IQCJ: variants seen among roughly 807,000 people sequenced by gnomAD.
The protein encoded by IQCJ is IQ domain-containing protein J.
In IQCJ, 9 loss-of-function variants were observed where a neutral mutation model predicts 11.0. That is an observed-to-expected ratio of 0.82 (90% CI 0.49 to 1.43). IQCJ has a LOEUF of 1.43. Ranked by LOEUF, IQCJ falls within the 40% of genes most tolerant of loss-of-function variation. The probability of loss-of-function intolerance (pLI) is 0.00; values close to 1 mark genes in which losing one functional copy is unlikely to be tolerated. For missense variants in IQCJ, 146 were observed against 133.2 expected (o/e 1.10, Z -0.47); for synonymous variants, 55 against 51.3 (o/e 1.07, Z -0.31).
intron 1 of IQCJ, among the ~76,000 whole-genome samples, chr3:159,240,042 A>G (rs1395167623): frequency 1.3e-5 from 2 of 152,146 alleles, no homozygotes; most frequent in African/African-American, 4.8e-5. Context: ...TCTGTTACTT[A>G]TGTCATTGGA....
intron 1 of IQCJ, among the ~76,000 whole-genome samples, chr3:159,222,890 A>G (rs1474107949): frequency 6.6e-6 from 1 of 152,140 alleles, no homozygotes; most frequent in African/African-American, 2.4e-5. Flanking sequence ...ATAAATGCCA[A>G]GACATATTCT....
At position 159,122,175 on chromosome 3, in the gene IQCJ, C is replaced by T. The variant is rs189900249; in HGVS notation, c.9+52734C>T. 6.6e-5 allele frequency among the ~76,000 whole-genome samples: 10 copies of T among 152,230 alleles called. No homozygotes were observed. In the East Asian group the frequency reaches 1.9e-3, roughly 29 times the overall value. Reference sequence around the variant, plus strand: ...TATCTGGGGTCCCTGTTATAAAGGGCATTAATTCCATTCATGAGGGCTCCA... The same window carrying T: ...TATCTGGGGTCCCTGTTATAAAGGGTATTAATTCCATTCATGAGGGCTCCA... On this transcript the variant is annotated intron_variant, in intron 1 of 3. Transcript: ENST00000397832.
Position 159,238,330 on chromosome 3 carries a change from A to G in IQCJ, c.10-7513A>G, listed in dbSNP as rs76474638. On this transcript the variant is annotated intron_variant, in intron 1 of 3. Coordinates refer to ENST00000397832, the MANE Select transcript of IQCJ (RefSeq NM_001042706.3). Reference sequence around the variant, plus strand: ...CCATAGAATAAAGGGTCTAATAGATAAAGTCCAAAATTATGAGCCTCTCAG... The same window carrying G: ...CCATAGAATAAAGGGTCTAATAGATGAAGTCCAAAATTATGAGCCTCTCAG... Among the ~76,000 whole-genome samples the G allele has an allele frequency of 4.0e-3, 617 of 152,350 alleles. 3 individuals are homozygous for G. Among genetic ancestry groups the G allele is most frequent in the African/African-American group, 0.014 (602 of 41,582 alleles).
chr3:159,120,128 C>T (rs188076690), intron 1 of IQCJ, among the ~76,000 whole-genome samples: 85 of 152,066 alleles, frequency 5.6e-4, no homozygotes, highest in Non-Finnish European at 1.1e-3. Context: ...GTAGAAGTTG[C>T]GGTATTTTCT....
chr3:159,095,011 T>C (rs1026622643), intron 1 of IQCJ, among the ~76,000 whole-genome samples: 1 of 151,900 alleles, frequency 6.6e-6, no homozygotes, highest in Non-Finnish European at 1.5e-5. Context: ...CCATTCCCAC[T>C]TCCAAATCCA....
At chr3:159,123,830 C>T (rs899502196) in intron 1 of IQCJ, among the ~76,000 whole-genome samples, 1 of 152,052 alleles carries the variant, frequency 6.6e-6, no homozygotes, top group Non-Finnish European at 1.5e-5. Context: ...AAAAGCTTCA[C>T]GACACATGGA....
At chr3:159,184,522 T>C (rs1723275343) in intron 1 of IQCJ, among the ~76,000 whole-genome samples, 2 of 152,230 alleles carry the variant, frequency 1.3e-5, no homozygotes, top group Non-Finnish European at 2.9e-5. Flanking sequence ...ACAGTGTCTT[T>C]TTGTTTGCTT....
intron 1 of IQCJ, among the ~76,000 whole-genome samples, chr3:159,177,428 G>A (rs1722855600): frequency 6.6e-6 from 1 of 152,172 alleles, no homozygotes; most frequent in Non-Finnish European, 1.5e-5. Flanking sequence ...AAAGACAATG[G>A]CACAGCCACT....
intron 1 of IQCJ, among the ~76,000 whole-genome samples, chr3:159,167,157 A>G (rs1186876208): frequency 6.6e-6 from 1 of 152,206 alleles, no homozygotes; most frequent in Non-Finnish European, 1.5e-5. Flanking sequence ...CAGCACAGGT[A>G]TTTCTTGCCA....
At position 159,262,558 on chromosome 3, in the gene IQCJ, G is replaced by C. The variant is rs373701672; in HGVS notation, c.166G>C (p.Ala56Pro). 1.2e-6 allele frequency: 2 copies of C among 1,613,122 alleles called. No individual in the cohort carries two copies. The highest frequency in any genetic ancestry group is 2.7e-5 in the African/African-American group (2 of 74,902). ...LESKVKIIQR[A>P]WREYLQRQEP... ...GTTTTGTTTTTTCAGCATTCAGCGA[G>C]CATGGCGAGAGTACCTGCAGCGGCA... The change falls in exon 4 of 4, where the codon GCA (alanine) becomes CCA (proline). Residue 56 changes from alanine (A) to proline (P), a missense_variant. By Grantham distance (27) the Ala-to-Pro change is conservative. Coordinates refer to ENST00000397832, the MANE Select transcript of IQCJ (RefSeq NM_001042706.3).
At chr3:159,216,707 A>G (rs1725255370) in intron 1 of IQCJ, among the ~76,000 whole-genome samples, 2 of 152,054 alleles carry the variant, frequency 1.3e-5, no homozygotes, top group Admixed American at 1.3e-4. Context: ...TTTTTCCCAA[A>G]ATGAGCTTGT....
At chr3:159,237,967 C>T (rs900988736) in intron 1 of IQCJ, among the ~76,000 whole-genome samples, 7 of 151,994 alleles carry the variant, frequency 4.6e-5, no homozygotes, top group South Asian at 4.2e-4. Flanking sequence ...TGTAAAAGGA[C>T]GACTGAGAGT....
intron 3 of IQCJ, among the ~76,000 whole-genome samples, chr3:159,261,822 C>G (rs1435635187): frequency 6.7e-6 from 1 of 148,500 alleles, no homozygotes; most frequent in Non-Finnish European, 1.5e-5. Context: ...CTTCCTTAGG[C>G]GAAACCTGAA....
intron 1 of IQCJ, among the ~76,000 whole-genome samples, chr3:159,215,292 G>C (rs1419204245): frequency 6.6e-6 from 1 of 152,152 alleles, no homozygotes; most frequent in Non-Finnish European, 1.5e-5. Context: ...TTCCTCTTCA[G>C]AGACAGGGAA....
intron 1 of IQCJ, among the ~76,000 whole-genome samples, chr3:159,112,843 C>G (rs1250742002): frequency 2.0e-5 from 3 of 152,100 alleles, no homozygotes; most frequent in African/African-American, 7.2e-5. Flanking sequence ...ACCAGCAGAC[C>G]TGGAGAAAAA....
intron 3 of IQCJ, among the ~76,000 whole-genome samples, chr3:159,255,066 T>C (rs1176736013): frequency 6.6e-6 from 1 of 152,190 alleles, no homozygotes; most frequent in Non-Finnish European, 1.5e-5. Context: ...AAGATAAGTT[T>C]TTTTAGTCCT....
chr3:159,089,198 T>C (rs1405491841), intron 1 of IQCJ, among the ~76,000 whole-genome samples: 1 of 152,200 alleles, frequency 6.6e-6, no homozygotes, highest in Non-Finnish European at 1.5e-5. Flanking sequence ...TGGCTGGATA[T>C]GAAGTTCTGG....
At chr3:159,077,583 A>T (rs1279119774) in intron 1 of IQCJ, among the ~76,000 whole-genome samples, 1 of 152,114 alleles carries the variant, frequency 6.6e-6, no homozygotes, top group African/African-American at 2.4e-5. Flanking sequence ...TTTAGGAAAA[A>T]AGCATTTTGG....
At chr3:159,082,282 G>A (rs1352166722) in intron 1 of IQCJ, among the ~76,000 whole-genome samples, 1 of 151,368 alleles carries the variant, frequency 6.6e-6, no homozygotes, top group Non-Finnish European at 1.5e-5. Context: ...CACTGATTAT[G>A]GCCTAGATTG....
Sources: gnomAD v4.1 joint callset for allele counts (sites outside exome capture counted in the v4.1 genomes callset) on GRCh38, gnomAD v4.1.1 for gene constraint, MANE v1.5 for transcripts, NCBI Gene and HGNC (gene_info 2026-07-23, HGNC 2026-07-21) for gene names.